SEC14L1: variants seen among roughly 807,000 people sequenced by gnomAD.
The protein encoded by SEC14L1 is SEC14-like protein 1.
A neutral mutation model predicts 85.3 loss-of-function variants in SEC14L1; 48 were observed. That is an observed-to-expected ratio of 0.56 (90% confidence interval 0.45 to 0.72). The LOEUF is 0.72. Among genes scored for constraint, SEC14L1 ranks in the 30% least tolerant of loss-of-function variants. The pLI is 0.00. For synonymous variants in SEC14L1, 391 were observed against 355.5 expected (o/e 1.10, Z -1.12); for missense variants, 682 against 921.4 (o/e 0.74, Z 3.36).
chr17:77,204,607 C>T (rs1381609904), intron 10 of SEC14L1, among the ~76,000 whole-genome samples: 9 of 133,396 alleles, frequency 6.7e-5, no homozygotes, highest in East Asian at 2.4e-4. Context: ...AGTGTCTATT[C>T]GTGGGTGTCA....
chr17:77,150,771 C>T (rs1158602950), intron 3 of SEC14L1, among the ~76,000 whole-genome samples: 1 of 152,206 alleles, frequency 6.6e-6, no homozygotes, highest in African/African-American at 2.4e-5. Context: ...ATCTTTGTGG[C>T]AGCTAGCTGC....
At chr17:77,161,297 G>T (rs2143632731) in intron 3 of SEC14L1, among the ~76,000 whole-genome samples, 1 of 152,298 alleles carries the variant, frequency 6.6e-6, no homozygotes, top group African/African-American at 2.4e-5. Context: ...GGCCAGTCTG[G>T]CCAACATGGT....
intron 3 of SEC14L1, among the ~76,000 whole-genome samples, chr17:77,100,279 C>T (rs923650017): frequency 6.6e-6 from 1 of 152,236 alleles, no homozygotes; most frequent in Admixed American, 6.5e-5. Flanking sequence ...GTCATCTGTA[C>T]ATGCGGCATT....
intron 3 of SEC14L1, among the ~76,000 whole-genome samples, chr17:77,154,933 C>G (rs1973740950): frequency 6.6e-6 from 1 of 152,114 alleles, no homozygotes; most frequent in Non-Finnish European, 1.5e-5. Context: ...ACTTTCTTGC[C>G]TTATTAAGGT....
intron 3 of SEC14L1, among the ~76,000 whole-genome samples, chr17:77,184,028 C>G (rs1040572550): frequency 5.3e-5 from 8 of 152,124 alleles, no homozygotes; most frequent in Non-Finnish European, 1.2e-4. Context: ...TCAGGTGATT[C>G]GCTTGCCTTG....
chr17:77,105,365 C>T (rs115763150), intron 3 of SEC14L1, among the ~76,000 whole-genome samples: 31,823 of 96,304 alleles, frequency 0.33, 4,088 homozygotes, highest in South Asian at 0.54. Flanking sequence ...ACATGCTCCT[C>T]GCTGACCACC....
intron 5 of SEC14L1, among the ~76,000 whole-genome samples, chr17:77,192,577 C>G (rs1445309958): frequency 6.6e-6 from 1 of 152,130 alleles, no homozygotes; most frequent in Non-Finnish European, 1.5e-5. Context: ...CTAGTCTCAC[C>G]TCCTCCCATC....
intron 3 of SEC14L1, chr17:77,185,407 A>G (rs897903067): frequency 8.1e-6 from 8 of 984,880 alleles, no homozygotes; most frequent in South Asian, 4.7e-5. Context: ...CTGTGCAAAT[A>G]TGAGTCTACG....
In SEC14L1 at chr17:77,126,667, C is replaced by A. The variant is rs142821335; in HGVS notation, c.-135-15979C>A. On this transcript the variant is annotated intron_variant, in intron 3 of 19. Coordinates refer to the SEC14L1 transcript ENST00000392476. Reference sequence around the variant, plus strand: ...AGCTCTTCTCCAGGTGCACGGGAACCTTGGAACAAGGCCAGCCCTGCCAAG... The same window carrying A: ...AGCTCTTCTCCAGGTGCACGGGAACATTGGAACAAGGCCAGCCCTGCCAAG... Among the ~76,000 whole-genome samples, 3 of 152,210 alleles carry A rather than the reference C, an allele frequency of 2.0e-5. No individual in the cohort carries two copies. The South Asian group carries it at 6.2e-4, about 31-fold the overall frequency.
chr17:77,155,392 C>T (rs934843025), intron 3 of SEC14L1, among the ~76,000 whole-genome samples: 1 of 152,212 alleles, frequency 6.6e-6, no homozygotes, highest in African/African-American at 2.4e-5. Context: ...CTCCCTTTCC[C>T]CTGAGCTGCT....
chr17:77,135,880 T>C (rs1972780962), intron 3 of SEC14L1, among the ~76,000 whole-genome samples: 1 of 151,054 alleles, frequency 6.6e-6, no homozygotes, highest in African/African-American at 2.4e-5. Context: ...CTCTTTCTTT[T>C]CTATTTTTTT....
chr17:77,133,087 G>C (rs908033533), intron 3 of SEC14L1, among the ~76,000 whole-genome samples: 36 of 151,992 alleles, frequency 2.4e-4, no homozygotes, highest in Non-Finnish European at 4.6e-4. Context: ...TCTCCAGGCT[G>C]TTCTGGAACT....
intron 3 of SEC14L1, among the ~76,000 whole-genome samples, chr17:77,118,781 G>T (rs976279865): frequency 6.6e-6 from 1 of 152,168 alleles, no homozygotes; most frequent in Non-Finnish European, 1.5e-5. Flanking sequence ...AATCACCATC[G>T]CCTCTTTACA....
chr17:77,167,426 C>T (rs985113548), intron 3 of SEC14L1, among the ~76,000 whole-genome samples: 9 of 152,190 alleles, frequency 5.9e-5, no homozygotes, highest in South Asian at 2.1e-4. Flanking sequence ...TGAGCCACTG[C>T]GCCTGGCCAG....
intron 3 of SEC14L1, among the ~76,000 whole-genome samples, chr17:77,147,089 C>T (rs935538602): frequency 6.6e-6 from 1 of 152,192 alleles, no homozygotes; most frequent in Admixed American, 6.5e-5. Context: ...CGCACGGTGG[C>T]GGCAGGAGTG....
At chr17:77,147,457 G>A (rs1321309537) in intron 3 of SEC14L1, among the ~76,000 whole-genome samples, 2 of 152,058 alleles carry the variant, frequency 1.3e-5, no homozygotes, top group Non-Finnish European at 2.9e-5. Flanking sequence ...TTTTCAGTAG[G>A]CATTTGCATG....
At position 77,215,244 on chromosome 17, in the gene SEC14L1, C is replaced by T; in HGVS notation, c.*1221C>T. The T allele has an allele frequency of 1.0e-6, 1 of 985,424 alleles. No individual in the cohort carries two copies. Among genetic ancestry groups the T allele is most frequent in the Non-Finnish European group, 1.2e-6 (1 of 829,946 alleles). The allele number at this position is 985,424 out of a possible 1,614,324, so 61.0% of individuals were successfully genotyped here. A position where few individuals can be genotyped will look rare whatever the true frequency, so the allele number is the denominator to read the frequency against. ...TTCCTGATTTTAAAGCCTGCTCTAT[C>T]TGGTACAGGCCCTTATTTTTTCAGC... On this transcript the variant is annotated 3_prime_UTR_variant, in exon 17 of 17. Coordinates refer to ENST00000436233, the MANE Select transcript of SEC14L1 (RefSeq NM_001143998.2).
At chr17:77,165,159 G>A (rs916305238) in intron 3 of SEC14L1, among the ~76,000 whole-genome samples, 1 of 152,036 alleles carries the variant, frequency 6.6e-6, no homozygotes, top group Admixed American at 6.5e-5. Flanking sequence ...TCTGTCAACC[G>A]AATATAGTAT....
chr17:77,195,611 T>G (rs1975771615), intron 7 of SEC14L1, among the ~76,000 whole-genome samples: 1 of 152,138 alleles, frequency 6.6e-6, no homozygotes, highest in African/African-American at 2.4e-5. Flanking sequence ...CCTAAGCCTC[T>G]TGAGTAGCTG....
Sources: gnomAD v4.1 joint callset for allele counts (sites outside exome capture counted in the v4.1 genomes callset) on GRCh38, gnomAD v4.1.1 for gene constraint, MANE v1.5 for transcripts, NCBI Gene and HGNC (gene_info 2026-07-23, HGNC 2026-07-21) for gene names.